Variants in SUGCT observed in about 807,000 individuals in gnomAD.
SUGCT encodes the protein succinyl-CoA:glutarate-CoA transferase.
In SUGCT, 41 loss-of-function variants were observed where a neutral mutation model predicts 55.0. The ratio of observed to expected loss-of-function variants is 0.74; its 90% confidence interval spans 0.58 to 0.97. The LOEUF is 0.97. SUGCT is among the 50% of genes least tolerant of loss of function. The pLI is 0.00. For missense variants in SUGCT, 568 were observed against 547.8 expected (o/e 1.04, Z -0.37); for synonymous variants, 187 against 200.4 (o/e 0.93, Z 0.56).
chr7:40,714,674 G>T (rs1785920337), intron 12 of SUGCT, among the ~76,000 whole-genome samples: 1 of 152,104 alleles, frequency 6.6e-6, no homozygotes, highest in Non-Finnish European at 1.5e-5. Flanking sequence ...GTTCACACTG[G>T]CTTTTATCAA....
the SUGCT span, among the ~76,000 whole-genome samples, chr7:41,015,157 G>T: frequency 5.3e-5 from 8 of 152,090 alleles, no homozygotes; most frequent in African/African-American, 1.9e-4. Context: ...ACTGAAAAGA[G>T]GAATGGTGGA....
At chr7:40,597,889 T>A (rs547421536) in intron 12 of SUGCT, among the ~76,000 whole-genome samples, 1 of 152,192 alleles carries the variant, frequency 6.6e-6, no homozygotes, top group Non-Finnish European at 1.5e-5. Context: ...ATAGGTACTA[T>A]TTTTTATTTT....
At chr7:40,193,723 C>T (rs1222112214) in intron 5 of SUGCT, among the ~76,000 whole-genome samples, 4 of 151,192 alleles carry the variant, frequency 2.6e-5, no homozygotes, top group African/African-American at 7.3e-5. Flanking sequence ...CTCAGCCTCC[C>T]GAGTAGCTGG....
chr7:40,394,795 T>C (rs1189690552), intron 9 of SUGCT, among the ~76,000 whole-genome samples: 1 of 152,228 alleles, frequency 6.6e-6, no homozygotes, highest in African/African-American at 2.4e-5. Flanking sequence ...CTATTTTATT[T>C]TTTATGCCTG....
the SUGCT span, among the ~76,000 whole-genome samples, chr7:40,898,491 GGGGGGGT>G: frequency 3.4e-5 from 4 of 116,032 alleles, no homozygotes; most frequent in Admixed American, 8.4e-5. Context: ...GGGGGGGGGG[GGGGGGGT>G]GGATCACGAG....
At chr7:40,341,430 A>G (rs1317831153) in intron 9 of SUGCT, among the ~76,000 whole-genome samples, 1 of 152,184 alleles carries the variant, frequency 6.6e-6, no homozygotes, top group Non-Finnish European at 1.5e-5. Context: ...AAAAAAGTGT[A>G]GAATGTATGC....
At chr7:40,948,807 G>A in the SUGCT span, among the ~76,000 whole-genome samples, 1 of 152,118 alleles carries the variant, frequency 6.6e-6, no homozygotes, top group Non-Finnish European at 1.5e-5. Context: ...TGGCTGCATA[G>A]TATTCCATGG....
At chr7:40,396,051 A>T (rs1256848270) in intron 9 of SUGCT, among the ~76,000 whole-genome samples, 1 of 152,184 alleles carries the variant, frequency 6.6e-6, no homozygotes, top group African/African-American at 2.4e-5. Flanking sequence ...CTCTGATAGG[A>T]TACCATAGAA....
chr7:40,893,729 G>T, the SUGCT span, among the ~76,000 whole-genome samples: 1 of 152,108 alleles, frequency 6.6e-6, no homozygotes, highest in Non-Finnish European at 1.5e-5. Context: ...TAGGCAAAAA[G>T]AACAAACCTG....
chr7:40,600,206 A>C (rs1387639240), intron 12 of SUGCT, among the ~76,000 whole-genome samples: 6 of 152,132 alleles, frequency 3.9e-5, no homozygotes, highest in Non-Finnish European at 7.3e-5. Context: ...ACAGAGCAAA[A>C]ATTTCCAACA....
chr7:40,608,997 G>A (rs1798645832), intron 12 of SUGCT, among the ~76,000 whole-genome samples: 1 of 152,070 alleles, frequency 6.6e-6, no homozygotes, highest in Non-Finnish European at 1.5e-5. Context: ...TTAGAAAAAT[G>A]GGCCTAGTAT....
chr7:40,349,266 C>T (rs868281519), intron 9 of SUGCT, among the ~76,000 whole-genome samples: 2 of 152,168 alleles, frequency 1.3e-5, no homozygotes, highest in Non-Finnish European at 2.9e-5. Flanking sequence ...TGTGCAGGCT[C>T]ATCAGGGGAA....
At chr7:41,021,785 G>A in the SUGCT span, among the ~76,000 whole-genome samples, 3 of 152,088 alleles carry the variant, frequency 2.0e-5, no homozygotes, top group East Asian at 1.9e-4. Flanking sequence ...TACATAGAGT[G>A]TCTTTCCACA....
At chr7:40,362,430 C>A (rs966791568) in intron 9 of SUGCT, among the ~76,000 whole-genome samples, 8 of 151,760 alleles carry the variant, frequency 5.3e-5, no homozygotes, top group East Asian at 3.9e-4. Flanking sequence ...GCCGCTCCCC[C>A]CTCAAAAAAA....
chr7:40,807,442 T>C (rs1791162712), intron 13 of SUGCT, among the ~76,000 whole-genome samples: 1 of 151,758 alleles, frequency 6.6e-6, no homozygotes, highest in Non-Finnish European at 1.5e-5. Context: ...GCCCGTAGAG[T>C]CTGGAGGCAA....
At chr7:40,585,163 T>A (rs1797309717) in intron 12 of SUGCT, among the ~76,000 whole-genome samples, 1 of 152,190 alleles carries the variant, frequency 6.6e-6, no homozygotes, top group African/African-American at 2.4e-5. Context: ...GCTCCCTTTC[T>A]ATTGCTGACT....
chr7:40,772,258 C>T lies in SUGCT; in HGVS notation c.1153+22761C>T, dbSNP rs542350116. 3.3e-5 allele frequency among the ~76,000 whole-genome samples: 5 copies of T among 152,202 alleles called. No individual in the cohort carries two copies. In the East Asian group the frequency reaches 9.7e-4, roughly 29 times the overall value. ...TTTGGTTCCCATATTCCTGTTACCACCTGCTGAATATCAGCCCATACGTAA... is the reference window on the plus strand; with the variant it reads ...TTTGGTTCCCATATTCCTGTTACCATCTGCTGAATATCAGCCCATACGTAA... On this transcript the variant is annotated intron_variant, in intron 13 of 13. Transcript: ENST00000335693.
chr7:40,629,208 A>G (rs1799671138), intron 12 of SUGCT, among the ~76,000 whole-genome samples: 1 of 152,152 alleles, frequency 6.6e-6, no homozygotes, highest in Non-Finnish European at 1.5e-5. Context: ...ACTAAGCATA[A>G]TTTATGTGGT....
the SUGCT span, among the ~76,000 whole-genome samples, chr7:40,930,097 A>G: frequency 1.1e-4 from 17 of 152,190 alleles, no homozygotes; most frequent in Non-Finnish European, 2.5e-4. Context: ...TAATTTTTGT[A>G]TAAGGTGTAA....
Sources: gnomAD v4.1 joint callset for allele counts (sites outside exome capture counted in the v4.1 genomes callset) on GRCh38, gnomAD v4.1.1 for gene constraint, MANE v1.5 for transcripts, NCBI Gene and HGNC (gene_info 2026-07-23, HGNC 2026-07-21) for gene names.